UNC13B: variants seen among roughly 807,000 people sequenced by gnomAD.
The protein encoded by UNC13B is protein unc-13 homolog B.
UNC13B carries 144 observed loss-of-function variants against 211.0 expected under a neutral mutation model. The observed-to-expected ratio is 0.68, with a 90% CI of 0.60 to 0.78. The LOEUF is 0.78. UNC13B is among the 30% of genes least tolerant of loss of function. UNC13B has a pLI of 0.00. For missense variants in UNC13B, 1,777 were observed against 2,002.0 expected (o/e 0.89, Z 2.14); for synonymous variants, 709 against 725.8 (o/e 0.98, Z 0.37).
At position 35,403,574 on chromosome 9, in the gene UNC13B, C is replaced by T. The variant is rs753270903; in HGVS notation, c.12712C>T (p.Pro4238Ser). The change falls in exon 39 of 40, where the codon CCC becomes TCC. Residue 4238 changes from proline (P) to serine (S), a missense_variant. Pro to Ser is a moderately conservative substitution (Grantham distance 74). Transcript: ENST00000635942. The part of the protein sequence containing the change: ...TTKSKSNNWA[P>S]KYNETFHFLL... ...CAAATCCAAAAGCAACAACTGGGCC[C>T]CCAAGTACAATGAGACATTCCACTT... 6.2e-7 allele frequency: 1 copy of T among 1,612,188 alleles called. No individual in the cohort carries two copies. Among genetic ancestry groups the T allele is most frequent in the South Asian group, 1.1e-5 (1 of 90,992 alleles).
chr9:35,181,206 T>C (rs1564050447), intron 1 of UNC13B, among the ~76,000 whole-genome samples: 2 of 152,244 alleles, frequency 1.3e-5, no homozygotes, highest in African/African-American at 4.8e-5. Flanking sequence ...AGTGCCTTGA[T>C]AGGGACCCTT....
intron 1 of UNC13B, among the ~76,000 whole-genome samples, chr9:35,185,707 G>A (rs567956557): frequency 4.9e-4 from 74 of 151,684 alleles, no homozygotes; most frequent in African/African-American, 1.7e-3. Flanking sequence ...ATCACTTGAG[G>A]CCAGGAGTTC....
intron 1 of UNC13B, among the ~76,000 whole-genome samples, chr9:35,167,111 T>C (rs916920749): frequency 4.6e-5 from 7 of 152,180 alleles, no homozygotes; most frequent in Non-Finnish European, 8.8e-5. Context: ...AGTCTCGCTG[T>C]GTCGCCCAGG....
At chr9:35,166,085 A>G (rs1451501290) in intron 1 of UNC13B, among the ~76,000 whole-genome samples, 1 of 152,118 alleles carries the variant, frequency 6.6e-6, no homozygotes, top group Non-Finnish European at 1.5e-5. Context: ...TTTTCCCCCA[A>G]AAGTAATAAA....
At chr9:35,211,416 A>T (rs1281330454) in intron 1 of UNC13B, among the ~76,000 whole-genome samples, 3 of 152,172 alleles carry the variant, frequency 2.0e-5, no homozygotes, top group African/African-American at 7.2e-5. Context: ...TTTGGAAATT[A>T]TTCCATGTGG....
chr9:35,166,951 C>T (rs1465222906), intron 1 of UNC13B, among the ~76,000 whole-genome samples: 1 of 152,180 alleles, frequency 6.6e-6, no homozygotes, highest in East Asian at 1.9e-4. Context: ...CCAAGCTTGT[C>T]CAGCCTGTGG....
chr9:35,397,550 G>A lies in UNC13B; in HGVS notation c.11677-85G>A. 3.4e-6 allele frequency: 5 copies of A among 1,454,602 alleles called. No homozygotes were observed. The South Asian group carries it at 3.7e-5, about 11-fold the overall frequency. 90.1% of individuals were successfully genotyped at this position (1,454,602 alleles called of 1,614,324 possible). ...TTTACCTCCCTGTTGTTATTGTTCTGTGATGAGAAGTGCCACCTCAGGCAA... is the reference window on the plus strand; with the variant it reads ...TTTACCTCCCTGTTGTTATTGTTCTATGATGAGAAGTGCCACCTCAGGCAA... On this transcript the variant is annotated intron_variant, in intron 29 of 39. Coordinates refer to ENST00000635942, the MANE Select transcript of UNC13B (RefSeq NM_001371189.2).
intron 7 of UNC13B, among the ~76,000 whole-genome samples, chr9:35,260,413 A>G (rs1382763323): frequency 1.3e-5 from 2 of 152,224 alleles, no homozygotes; most frequent in Non-Finnish European, 2.9e-5. Flanking sequence ...CACAAATCAC[A>G]TAGCTAGTAA....
At chr9:35,167,914 T>C (rs1315470983) in intron 1 of UNC13B, among the ~76,000 whole-genome samples, 2 of 151,872 alleles carry the variant, frequency 1.3e-5, no homozygotes, top group Non-Finnish European at 2.9e-5. Context: ...GTAGATGGTT[T>C]TTAAACATTT....
chr9:35,388,641 G>A (rs942915964), intron 24 of UNC13B, among the ~76,000 whole-genome samples: 1 of 152,184 alleles, frequency 6.6e-6, no homozygotes, highest in Non-Finnish European at 1.5e-5. Context: ...AGGATAATGT[G>A]TGTAAAGGTC....
At chr9:35,342,715 T>C (rs1244286142) in intron 11 of UNC13B, among the ~76,000 whole-genome samples, 1 of 152,246 alleles carries the variant, frequency 6.6e-6, no homozygotes, top group South Asian at 2.1e-4. Context: ...CATGTGCATA[T>C]GTATAGACAA....
intron 11 of UNC13B, 128 bp from the exon 12 acceptor site, chr9:35,366,819 C>A: frequency 2.7e-6 from 2 of 751,628 alleles, no homozygotes; most frequent in East Asian, 2.6e-5. Context: ...AGATGTCAGA[C>A]AGGCTGTCAC....
chr9:35,228,221 C>T (rs552709003), intron 2 of UNC13B, among the ~76,000 whole-genome samples, 177 bp downstream of exon 2: 35 of 152,116 alleles, frequency 2.3e-4, no homozygotes, highest in African/African-American at 8.4e-4. Context: ...TTGGCTAACC[C>T]AATTCTACTT....
Position 35,301,040 on chromosome 9 carries a change from A to C in UNC13B, c.1636A>C (p.Lys546Gln), listed in dbSNP as rs1037532128. 1 of 398,858 alleles carries C rather than the reference A, an allele frequency of 2.5e-6. No homozygotes were observed. Among genetic ancestry groups the C allele is most frequent in the African/African-American group, 2.1e-5 (1 of 48,630 alleles). The allele number at this position is 398,858 out of a possible 1,614,324, so 24.7% of individuals were successfully genotyped here. ...VGSLFSSLTEKVGSGTKHLTN... is the reference protein window; with the variant it reads ...VGSLFSSLTEQVGSGTKHLTN... ...TTCTTTGTTTAGTTCACTCACAGAA[A>C]AAGTGGGTTCAGGCACAAAGCATCT... Residue 546 changes from lysine (K) to glutamine (Q), a missense_variant, in exon 9 of 40, where the codon AAA becomes CAA. Transcript: ENST00000635942.
intron 11 of UNC13B, among the ~76,000 whole-genome samples, chr9:35,320,675 G>C (rs1830694911): frequency 6.6e-6 from 1 of 152,042 alleles, no homozygotes; most frequent in African/African-American, 2.4e-5. Context: ...TCAGTTTTGG[G>C]GTAAAGTTTC....
chr9:35,399,736 G>A lies in UNC13B; in HGVS notation c.12336+7G>A. 3.1e-6 allele frequency: 5 copies of A among 1,613,784 alleles called. No homozygotes were observed. The highest frequency in any genetic ancestry group is 4.2e-6 in the Non-Finnish European group (5 of 1,179,874). Reference sequence around the variant, plus strand: ...CGCCCTGGACACCATCAAGGTGGAGGCCCCCCCTTTTTCAGACAGTCTTAA... The same window carrying A: ...CGCCCTGGACACCATCAAGGTGGAGACCCCCCCTTTTTCAGACAGTCTTAA... On this transcript the variant is annotated splice_region_variant and intron_variant, in intron 36 of 39. Coordinates refer to ENST00000635942, the MANE Select transcript of UNC13B (RefSeq NM_001371189.2).
At chr9:35,165,990 A>G (rs1425712180) in intron 1 of UNC13B, among the ~76,000 whole-genome samples, 2 of 152,308 alleles carry the variant, frequency 1.3e-5, no homozygotes, top group Admixed American at 1.3e-4. Flanking sequence ...AGACCTTTCC[A>G]TAATATTTCT....
At chr9:35,200,435 C>A (rs1823213321) in intron 1 of UNC13B, among the ~76,000 whole-genome samples, 1 of 152,174 alleles carries the variant, frequency 6.6e-6, no homozygotes, top group Non-Finnish European at 1.5e-5. Context: ...GCAGTATGGC[C>A]ATTTTCACAA....
intron 7 of UNC13B, among the ~76,000 whole-genome samples, chr9:35,261,770 T>C (rs1322672086): frequency 6.6e-6 from 1 of 152,086 alleles, no homozygotes; most frequent in Non-Finnish European, 1.5e-5. Context: ...CTCTTACCCC[T>C]AACTCCCCTT....
Sources: allele counts gnomAD v4.1 joint callset (sites outside exome capture counted in the v4.1 genomes callset), GRCh38; gene constraint gnomAD v4.1.1; transcripts MANE v1.5; gene names NCBI Gene and HGNC (gene_info 2026-07-23, HGNC 2026-07-21).